Variants in RNU5D-1 observed in about 807,000 individuals in gnomAD.
RNU5D-1 encodes the protein RNA, U5D small nuclear.
At chr1:44,731,076 C>CA (rs1242217407) in exon 1 of RNU5D-1, 33 of 152,058 alleles carry the variant, frequency 2.2e-4, no homozygotes, top group African/African-American at 4.6e-4. Context: ...CATAGGGCTT[C>CA]AAAAAATTTG....
exon 1 of RNU5D-1, chr1:44,731,140 A>T (rs138747656): frequency 2.0e-5 from 3 of 151,800 alleles, no homozygotes; most frequent in African/African-American, 4.8e-5. Context: ...AAGGCGAAAG[A>T]TTTATACGAT....
At position 44,731,123 on chromosome 1, in the gene RNU5D-1, T is replaced by G. The variant is rs189524874; in HGVS notation, n.48A>C. 5.9e-5 allele frequency: 9 copies of G among 152,018 alleles called. No individual in the cohort carries two copies. In the South Asian group the frequency reaches 8.3e-4, roughly 14 times the overall value. 9.4% of individuals were successfully genotyped at this position (152,018 alleles called of 1,614,324 possible). A position where few individuals can be genotyped will look rare whatever the true frequency, so the allele number is the denominator to read the frequency against. On this transcript the variant is annotated non_coding_transcript_exon_variant, in exon 1 of 1. Coordinates refer to ENST00000363299, the Ensembl canonical transcript of RNU5D-1. ...AAACGGTTTCTCTCCACGGAAATCT[T>G]TAGTAAAAGGCGAAAGATTTATACG... is the stretch of plus-strand genomic sequence containing the variant.
chr1:44,731,110 T>G (rs763094227), exon 1 of RNU5D-1: 4 of 152,092 alleles, frequency 2.6e-5, no homozygotes, highest in South Asian at 4.2e-4. Context: ...ACGGTTTCTC[T>G]CCACGGAAAT....
exon 1 of RNU5D-1, chr1:44,731,075 T>TG (rs1440343422): frequency 6.6e-6 from 1 of 152,094 alleles, no homozygotes; most frequent in Non-Finnish European, 1.5e-5. Flanking sequence ...ACATAGGGCT[T>TG]CAAAAAATTT....
At chr1:44,731,127 T>A (rs115327971) in exon 1 of RNU5D-1, 4 of 151,896 alleles carry the variant, frequency 2.6e-5, no homozygotes, top group Non-Finnish European at 4.4e-5. Context: ...AAATCTTTAG[T>A]AAAAGGCGAA....
At chr1:44,731,090 G>C (rs371663361) in exon 1 of RNU5D-1, 4 of 152,160 alleles carry the variant, frequency 2.6e-5, no homozygotes, top group East Asian at 1.9e-4. Flanking sequence ...AAATTTGCTT[G>C]AAACTCAAAA....
At chr1:44,731,078 A>T (rs1340395393) in exon 1 of RNU5D-1, 1 of 152,220 alleles carries the variant, frequency 6.6e-6, no homozygotes, top group Middle Eastern at 3.4e-3. Flanking sequence ...TAGGGCTTCA[A>T]AAAATTTGCT....
chr1:44,731,087 C>G (rs116824218), exon 1 of RNU5D-1: 12 of 152,016 alleles, frequency 7.9e-5, no homozygotes, highest in Admixed American at 6.6e-5. Flanking sequence ...AAAAAATTTG[C>G]TTGAAACTCA....
chr1:44,731,095 T>C (rs960389036), exon 1 of RNU5D-1: 8 of 151,986 alleles, frequency 5.3e-5, no homozygotes, highest in Admixed American at 2.6e-4. Context: ...TGCTTGAAAC[T>C]CAAAACGGTT....
chr1:44,731,130 A>C (rs1250788129), exon 1 of RNU5D-1: 1 of 151,878 alleles, frequency 6.6e-6, no homozygotes, highest in Non-Finnish European at 1.5e-5. Flanking sequence ...TCTTTAGTAA[A>C]AGGCGAAAGA....
chr1:44,731,163 C>A lies in RNU5D-1; in HGVS notation n.8G>T, dbSNP rs573751084. On this transcript the variant is annotated non_coding_transcript_exon_variant, in exon 1 of 1. Transcript: ENST00000363299. ...AGATTTATACGATTTGAAGAGAAAC[C>A]AGAGCATGTGTTGGAATGGTTGCAC... 5 of 151,738 alleles carry A rather than the reference C, an allele frequency of 3.3e-5. No homozygotes were observed. The East Asian group carries it at 7.7e-4, about 23-fold the overall frequency. The allele number at this position is 151,738 out of a possible 1,614,324, so 9.4% of individuals were successfully genotyped here. A position where few individuals can be genotyped will look rare whatever the true frequency, so the allele number is the denominator to read the frequency against.
At chr1:44,731,097 A>AT (rs1491360954) in exon 1 of RNU5D-1, 3 of 152,086 alleles carry the variant, frequency 2.0e-5, no homozygotes, top group African/African-American at 4.8e-5. Context: ...CTTGAAACTC[A>AT]AAACGGTTTC....
At chr1:44,731,113 A>G (rs528334010) in exon 1 of RNU5D-1, 21 of 151,986 alleles carry the variant, frequency 1.4e-4, no homozygotes, top group Non-Finnish European at 1.5e-4. Context: ...GTTTCTCTCC[A>G]CGGAAATCTT....
exon 1 of RNU5D-1, chr1:44,731,076 CA>C (rs1242217407): frequency 5.3e-5 from 8 of 152,058 alleles, no homozygotes; most frequent in South Asian, 2.1e-4. Flanking sequence ...CATAGGGCTT[CA>C]AAAAATTTGC....
chr1:44,731,151 T>TA (rs1648468512), exon 1 of RNU5D-1: 1 of 151,314 alleles, frequency 6.6e-6, no homozygotes, highest in South Asian at 2.1e-4. Context: ...TTTATACGAT[T>TA]TGAAGAGAAA....
chr1:44,731,107 C>G (rs78116117), exon 1 of RNU5D-1: 12 of 151,818 alleles, frequency 7.9e-5, no homozygotes, highest in East Asian at 3.8e-4. Flanking sequence ...AAAACGGTTT[C>G]TCTCCACGGA....
At chr1:44,731,168 C>G (rs74542094) in exon 1 of RNU5D-1, 18 of 151,804 alleles carry the variant, frequency 1.2e-4, no homozygotes, top group East Asian at 3.9e-4. Context: ...GAAACCAGAG[C>G]ATGTGTTGGA....
At chr1:44,731,116 G>GA (rs1557582044) in exon 1 of RNU5D-1, 4 of 152,036 alleles carry the variant, frequency 2.6e-5, no homozygotes, top group East Asian at 1.9e-4. Flanking sequence ...TCTCTCCACG[G>GA]AAATCTTTAG....
chr1:44,731,105 T>A (rs143518054), exon 1 of RNU5D-1: 2 of 151,604 alleles, frequency 1.3e-5, no homozygotes, highest in Non-Finnish European at 2.9e-5. Context: ...TCAAAACGGT[T>A]TCTCTCCACG....
Sources: allele counts gnomAD v4.1 joint callset, GRCh38; gene constraint gnomAD v4.1.1; transcripts MANE v1.5; gene names NCBI Gene and HGNC (gene_info 2026-07-23, HGNC 2026-07-21).